Variants in AMD1 observed in about 807,000 individuals in gnomAD.
AMD1 encodes S-adenosylmethionine decarboxylase proenzyme.
In AMD1, 11 loss-of-function variants were observed where a neutral mutation model predicts 40.2. The ratio of observed to expected loss-of-function variants is 0.27; its 90% CI spans 0.17 to 0.45. The LOEUF (loss-of-function observed/expected upper bound fraction) is 0.45, where lower values mean the gene tolerates loss of function less well. Among genes scored for constraint, AMD1 ranks in the 20% least tolerant of loss-of-function variants. AMD1 has a pLI of 1.00. For synonymous variants in AMD1, 121 were observed against 130.8 expected (o/e 0.93, Z 0.51); for missense variants, 257 against 410.2 (o/e 0.63, Z 3.23).
chr6:110,885,668 C>T lies in AMD1; in HGVS notation c.111-1837C>T, dbSNP rs151317971. Reference sequence around the variant, plus strand: ...TTTCCATATATGAACAAATTGTTAGCACCCTTTTTAAAGAACCTTAAAACT... The same window carrying T: ...TTTCCATATATGAACAAATTGTTAGTACCCTTTTTAAAGAACCTTAAAACT... On this transcript the variant is annotated intron_variant, in intron 1 of 8. Transcript: ENST00000368885. Among the ~76,000 whole-genome samples, 59 of 152,306 alleles carry T rather than the reference C, an allele frequency of 3.9e-4. 1 individual carries two copies. In the East Asian group the frequency reaches 0.011, roughly 28 times the overall value.
chr6:110,892,562 T>C, intron 6 of AMD1, 119 bp downstream of exon 6: 1 of 1,468,890 alleles, frequency 6.8e-7, no homozygotes, highest in East Asian at 2.3e-5. Context: ...ATAGGTAAAC[T>C]TGTGTCATGG....
chr6:110,889,114 C>A, intron 3 of AMD1, 131 bp downstream of exon 3: 2 of 1,033,110 alleles, frequency 1.9e-6, no homozygotes, highest in Non-Finnish European at 2.7e-6. Flanking sequence ...GTAAGGTGTT[C>A]ATACCTTAGG....
At chr6:110,859,097 G>C in the AMD1 span, 1 of 1,330,868 alleles carries the variant, frequency 7.5e-7, no homozygotes, top group Non-Finnish European at 1.1e-6. Context: ...CGCAGGCTCG[G>C]GGGAGGTCCC....
the AMD1 span, among the ~76,000 whole-genome samples, chr6:110,865,857 G>A: frequency 6.6e-6 from 1 of 151,734 alleles, no homozygotes; most frequent in East Asian, 1.9e-4. Context: ...CTACCTCCTG[G>A]GTTCAAACAA....
chr6:110,871,518 A>G (rs1784917728), upstream of AMD1, among the ~76,000 whole-genome samples: 1 of 152,148 alleles, frequency 6.6e-6, no homozygotes, highest in South Asian at 2.1e-4. Context: ...GAAAGAGTGG[A>G]ATCATTGATG....
intron 2 of AMD1, 111 bp from the exon 3 acceptor site, chr6:110,888,746 C>G: frequency 9.4e-7 from 1 of 1,063,926 alleles, no homozygotes; most frequent in Non-Finnish European, 1.4e-6. Flanking sequence ...TCCTTGAGAT[C>G]CTAATATTTA....
At chr6:110,866,560 G>T in the AMD1 span, among the ~76,000 whole-genome samples, 1 of 152,196 alleles carries the variant, frequency 6.6e-6, no homozygotes, top group African/African-American at 2.4e-5. Flanking sequence ...TAGGGAGAAT[G>T]AATGGATTAG....
At chr6:110,883,455 G>A (rs957071171) in intron 1 of AMD1, among the ~76,000 whole-genome samples, 2 of 152,196 alleles carry the variant, frequency 1.3e-5, no homozygotes, top group Admixed American at 6.5e-5. Flanking sequence ...AGAATGAGAG[G>A]CCCCTTTGAA....
chr6:110,858,071 T>G, the AMD1 span, among the ~76,000 whole-genome samples: 1 of 152,038 alleles, frequency 6.6e-6, no homozygotes, highest in African/African-American at 2.4e-5. Flanking sequence ...CTCAAACTCC[T>G]GGACTCGAGT....
chr6:110,839,209 G>T, the AMD1 span, among the ~76,000 whole-genome samples: 1 of 152,066 alleles, frequency 6.6e-6, no homozygotes, highest in Admixed American at 6.6e-5. Context: ...ATTTCTCATG[G>T]ATTTATAAAA....
rs1554237997 is a variant in AMD1 at position 110,892,724 on chromosome 6, T to TCA, written c.616-10_616-9insAC. ...AAACCCTTGTTAAACTCGGTCTTTT[T>TCA]CCCCCCCCAGGAGAGTGGAATTCGT... On this transcript the variant is annotated splice_polypyrimidine_tract_variant and intron_variant, in intron 6 of 8. Transcript: ENST00000368885. The TCA allele has an allele frequency of 9.7e-4, 1,489 of 1,541,276 alleles. 1 individual carries two copies. The highest frequency in any genetic ancestry group is 1.2e-3 in the Non-Finnish European group (1,385 of 1,125,376).
chr6:110,880,567 G>A (rs1047105514), intron 1 of AMD1, among the ~76,000 whole-genome samples: 2 of 152,264 alleles, frequency 1.3e-5, no homozygotes. Context: ...ACTTAATTTT[G>A]TTTGCATGTG....
At chr6:110,887,996 A>G (rs772561338) in intron 2 of AMD1, among the ~76,000 whole-genome samples, 4 of 151,878 alleles carry the variant, frequency 2.6e-5, no homozygotes, top group East Asian at 3.9e-4. Flanking sequence ...TTTTTTTTAC[A>G]TTATTCTTAA....
intron 1 of AMD1, 102 bp downstream of exon 1, chr6:110,875,317 G>A: frequency 2.0e-6 from 2 of 980,712 alleles, no homozygotes; most frequent in Middle Eastern, 4.1e-4. Flanking sequence ...CTTTCAGTTG[G>A]GGGCAAGTCT....
chr6:110,884,902 G>C (rs879836897), intron 1 of AMD1, among the ~76,000 whole-genome samples: 5 of 152,182 alleles, frequency 3.3e-5, no homozygotes, highest in African/African-American at 1.2e-4. Context: ...TGGGAAGTCA[G>C]TAGGTGATGA....
At chr6:110,851,469 TGTTGTC>T in the AMD1 span, among the ~76,000 whole-genome samples, 1 of 150,740 alleles carries the variant, frequency 6.6e-6, no homozygotes, top group Non-Finnish European at 1.5e-5. Flanking sequence ...TTGTTGTTGT[TGTTGTC>T]GTTTTGATAT....
the AMD1 span, among the ~76,000 whole-genome samples, chr6:110,843,857 C>T: frequency 6.6e-5 from 10 of 152,032 alleles, no homozygotes; most frequent in Non-Finnish European, 1.3e-4. Flanking sequence ...CAAAGTGTTG[C>T]GATTACAGGT....
chr6:110,893,951 T>A lies in AMD1; in HGVS notation c.*335T>A. On this transcript the variant is annotated 3_prime_UTR_variant, in exon 9 of 9. Transcript: ENST00000368885. ...TGGTTTATGCACAGTGTAATATTTC[T>A]CCAAGTATCATCCAAAATTCCCCAC... 4.4e-6 allele frequency: 1 copy of A among 226,650 alleles called. No homozygotes were observed. The highest frequency in any genetic ancestry group is 6.9e-5 in the South Asian group (1 of 14,394). 14.0% of individuals were successfully genotyped at this position (226,650 alleles called of 1,614,324 possible). A position where few individuals can be genotyped will look rare whatever the true frequency, so the allele number is the denominator to read the frequency against.
chr6:110,852,284 C>T, the AMD1 span, among the ~76,000 whole-genome samples: 97 of 138,594 alleles, frequency 7.0e-4, no homozygotes, highest in Middle Eastern at 0.01. Flanking sequence ...TGCAGTGGCA[C>T]GATCTTGGCT....
Sources: gnomAD v4.1 joint callset for allele counts (sites outside exome capture counted in the v4.1 genomes callset) on GRCh38, gnomAD v4.1.1 for gene constraint, MANE v1.5 for transcripts, NCBI Gene and HGNC (gene_info 2026-07-23, HGNC 2026-07-21) for gene names.